GLRB: variants seen among roughly 807,000 people sequenced by gnomAD.
GLRB encodes the protein glycine receptor subunit beta.
In GLRB, 33 loss-of-function variants were observed where a neutral mutation model predicts 54.2. The ratio of observed to expected loss-of-function variants is 0.61; its 90% CI spans 0.46 to 0.81. The LOEUF (loss-of-function observed/expected upper bound fraction) is 0.81. GLRB is among the 40% of genes least tolerant of loss of function. GLRB has a pLI of 0.00. For missense variants in GLRB, 572 were observed against 584.6 expected (o/e 0.98, Z 0.22); for synonymous variants, 209 against 208.2 (o/e 1.00, Z -0.03).
chr4:157,091,328 T>A (rs1734603125), intron 2 of GLRB: 1 of 152,214 alleles, frequency 6.6e-6, no homozygotes, highest in Admixed American at 6.5e-5. Context: ...AACTGTCTTT[T>A]AAAATTCTTG....
intron 2 of GLRB, among the ~76,000 whole-genome samples, chr4:157,082,964 TTATATATATA>T (rs58330518): frequency 4.3e-5 from 6 of 139,670 alleles, no homozygotes; most frequent in Admixed American, 7.2e-5. Context: ...GAATAGTGTT[TTATATATATA>T]TATATATATA....
chr4:157,111,135 A>G (rs537320773), intron 2 of GLRB, among the ~76,000 whole-genome samples: 1 of 151,998 alleles, frequency 6.6e-6, no homozygotes, highest in Non-Finnish European at 1.5e-5. Flanking sequence ...GTGCTCTGAG[A>G]CAGATGAGAG....
chr4:157,078,208 A>G (rs1734107487), intron 2 of GLRB, 62 bp downstream of exon 2: 2 of 1,602,246 alleles, frequency 1.2e-6, no homozygotes, highest in East Asian at 4.5e-5. Context: ...TTATAAAAGT[A>G]AGGTGGTTTA....
intron 4 of GLRB, among the ~76,000 whole-genome samples, chr4:157,134,547 T>C (rs564635038): frequency 5.9e-5 from 9 of 152,224 alleles, no homozygotes; most frequent in Non-Finnish European, 1.2e-4. Context: ...AAGATTTTAA[T>C]ACTTATATCC....
At chr4:157,146,614 T>C (rs1736822038) in intron 8 of GLRB, among the ~76,000 whole-genome samples, 1 of 151,414 alleles carries the variant, frequency 6.6e-6, no homozygotes, top group Non-Finnish European at 1.5e-5. Flanking sequence ...AGGTCAGGAG[T>C]TGGAGACCAG....
At chr4:157,150,947 T>C (rs1366928707) in intron 8 of GLRB, among the ~76,000 whole-genome samples, 3 of 152,090 alleles carry the variant, frequency 2.0e-5, no homozygotes, top group Non-Finnish European at 2.9e-5. Flanking sequence ...TAAGTATTCT[T>C]TTGATAATGT....
chr4:157,154,322 C>A (rs1216164108), intron 9 of GLRB, among the ~76,000 whole-genome samples: 1 of 151,928 alleles, frequency 6.6e-6, no homozygotes. Flanking sequence ...ATATTTAGAT[C>A]ACTTCCATTT....
At chr4:157,079,900 A>G (rs1394487155) in intron 2 of GLRB, among the ~76,000 whole-genome samples, 1 of 152,170 alleles carries the variant, frequency 6.6e-6, no homozygotes, top group Non-Finnish European at 1.5e-5. Flanking sequence ...AGTCACCGTA[A>G]TTCTATGTAT....
At chr4:157,166,255 C>T (rs1737703188) in intron 9 of GLRB, among the ~76,000 whole-genome samples, 1 of 151,894 alleles carries the variant, frequency 6.6e-6, no homozygotes, top group African/African-American at 2.4e-5. Flanking sequence ...TAAGGAACAA[C>T]TGAGAAATTA....
chr4:157,106,894 C>T (rs1481088818), intron 2 of GLRB, among the ~76,000 whole-genome samples: 1 of 152,062 alleles, frequency 6.6e-6, no homozygotes, highest in Non-Finnish European at 1.5e-5. Flanking sequence ...TTTTAAAAAA[C>T]ACCAATTAAA....
intron 2 of GLRB, among the ~76,000 whole-genome samples, chr4:157,100,515 T>C (rs1479773559): frequency 6.6e-6 from 1 of 152,194 alleles, no homozygotes; most frequent in Non-Finnish European, 1.5e-5. Flanking sequence ...TATATCCTGT[T>C]CTAGTCTTGT....
chr4:157,081,166 C>T (rs979437270), intron 2 of GLRB, among the ~76,000 whole-genome samples: 4 of 152,122 alleles, frequency 2.6e-5, no homozygotes, highest in African/African-American at 9.7e-5. Context: ...ATAAGAAATA[C>T]ACTTTAAATT....
intron 2 of GLRB, chr4:157,084,633 A>C (rs1432163575): frequency 2.2e-6 from 1 of 456,026 alleles, no homozygotes; most frequent in Admixed American, 2.4e-5. Flanking sequence ...AAATGGTTTG[A>C]TGCCGTTATG....
chr4:157,122,456 G>A, intron 4 of GLRB, 59 bp downstream of exon 4: 2 of 669,554 alleles, frequency 3.0e-6, no homozygotes, highest in Non-Finnish European at 5.4e-6. Flanking sequence ...GATAGTGAAA[G>A]TAACATTAAA....
intron 6 of GLRB, among the ~76,000 whole-genome samples, chr4:157,137,708 G>A (rs1736456036): frequency 6.6e-6 from 1 of 152,096 alleles, no homozygotes; most frequent in African/African-American, 2.4e-5. Context: ...ACTATAAAAT[G>A]AGATTTTGCA....
At chr4:157,161,921 A>G (rs566608936) in intron 9 of GLRB, among the ~76,000 whole-genome samples, 1 of 152,218 alleles carries the variant, frequency 6.6e-6, no homozygotes, top group South Asian at 2.1e-4. Flanking sequence ...TATCCTGCAG[A>G]GTGTTTTCCA....
chr4:157,097,449 A>G (rs775799859), intron 2 of GLRB, among the ~76,000 whole-genome samples: 3 of 152,194 alleles, frequency 2.0e-5, no homozygotes, highest in Non-Finnish European at 4.4e-5. Context: ...GAATTGAACT[A>G]TTATTCTTGC....
At chr4:157,078,321 A>G (rs1734111278) in intron 2 of GLRB, 175 bp downstream of exon 2, 2 of 608,128 alleles carry the variant, frequency 3.3e-6, no homozygotes, top group Admixed American at 6.3e-5. Flanking sequence ...GTAAGAATTA[A>G]TTCCCAATGT....
chr4:157,139,317 T>C (rs1736526012), intron 7 of GLRB, among the ~76,000 whole-genome samples: 1 of 152,092 alleles, frequency 6.6e-6, no homozygotes, highest in Admixed American at 6.6e-5. Context: ...AATCCATATA[T>C]GTTCACCCAT....
Sources: allele counts gnomAD v4.1 joint callset (sites outside exome capture counted in the v4.1 genomes callset), GRCh38; gene constraint gnomAD v4.1.1; transcripts MANE v1.5; gene names NCBI Gene and HGNC (gene_info 2026-07-23, HGNC 2026-07-21).